Variants in ARAP1 observed in about 807,000 individuals in gnomAD.
The protein encoded by ARAP1 is arf-GAP with Rho-GAP domain, ANK repeat and PH domain-containing protein 1.
Under a neutral mutation model 172.2 loss-of-function variants are expected in ARAP1, and 76 were observed. The observed-to-expected ratio is 0.44, with a 90% CI of 0.37 to 0.53. ARAP1 has a LOEUF of 0.53. Ranked by LOEUF, ARAP1 falls within the 20% of genes least tolerant of loss-of-function variation. The probability of loss-of-function intolerance (pLI) is 0.00; values close to 1 mark genes in which losing one functional copy is unlikely to be tolerated. For missense variants in ARAP1, 1,686 were observed against 1,977.5 expected (o/e 0.85, Z 2.80); for synonymous variants, 804 against 803.3 (o/e 1.00, Z -0.01).
At chr11:72,686,905 C>T (rs1002559972) in intron 33 of ARAP1, among the ~76,000 whole-genome samples, 2 of 152,170 alleles carry the variant, frequency 1.3e-5, no homozygotes, top group Non-Finnish European at 2.9e-5. Flanking sequence ...GTTTCCCTGG[C>T]GTGACCTACA....
At chr11:72,698,820 G>T (rs1274912632) in intron 18 of ARAP1, among the ~76,000 whole-genome samples, 185 bp downstream of exon 18, 2 of 152,166 alleles carry the variant, frequency 1.3e-5, no homozygotes, top group African/African-American at 4.8e-5. Context: ...GGATAGGTCT[G>T]ACCAACTCCG....
At chr11:72,714,090 G>A in intron 4 of ARAP1, 62 bp downstream of exon 4, 2 of 1,383,570 alleles carry the variant, frequency 1.4e-6, no homozygotes, top group Non-Finnish European at 1.9e-6. Context: ...CCTTCCAGAG[G>A]CCTGATTCCA....
At chr11:72,697,301 G>T in intron 21 of ARAP1, 22 bp downstream of exon 21, 3 of 1,574,074 alleles carry the variant, frequency 1.9e-6, no homozygotes, top group Non-Finnish European at 2.6e-6. Context: ...GGCGGGGCTG[G>T]CACCCTAGGG....
chr11:72,696,246 T>A (rs990523305), intron 23 of ARAP1, among the ~76,000 whole-genome samples: 3 of 152,116 alleles, frequency 2.0e-5, no homozygotes, highest in African/African-American at 7.2e-5. Context: ...AGAGTTCCGA[T>A]CCTTTGAGAA....
Position 72,703,078 on chromosome 11 carries a change from G to A in ARAP1, c.1994C>T (p.Ala665Val). ...TGTGGTGGTGACTGCAGCACACAGGGCCTAGGAAGAGGCAGGGGAGGGTCA... is the reference window on the plus strand; with the variant it reads ...TGTGGTGGTGACTGCAGCACACAGGACCTAGGAAGAGGCAGGGGAGGGTCA... ...LFGNQEELDKALCAAVTTTDL... is the reference protein window; with the variant it reads ...LFGNQEELDKVLCAAVTTTDL... Residue 665 changes from alanine to valine, a missense_variant and splice_region_variant, in exon 15 of 35, where the codon GCC (alanine) becomes GTC (valine). Ala to Val is a moderately conservative substitution (Grantham distance 64, BLOSUM62 0). Transcript: ENST00000393609. 1.9e-6 allele frequency: 3 copies of A among 1,562,802 alleles called. No homozygotes were observed. The highest frequency in any genetic ancestry group is 2.6e-6 in the Non-Finnish European group (3 of 1,156,176).
chr11:72,715,147 C>T (rs770323065), intron 3 of ARAP1, among the ~76,000 whole-genome samples: 3 of 152,220 alleles, frequency 2.0e-5, no homozygotes, highest in Non-Finnish European at 4.4e-5. Context: ...GCACCTAGCC[C>T]CTCTGAGCCT....
At chr11:72,713,863 A>C (rs1857154720) in intron 4 of ARAP1, among the ~76,000 whole-genome samples, 2 of 151,614 alleles carry the variant, frequency 1.3e-5, no homozygotes, top group Admixed American at 6.6e-5. Context: ...AAAAAAAAAA[A>C]AGAAAAGCAA....
In ARAP1 at chr11:72,696,563, G is replaced by A. The variant is rs763568900; in HGVS notation, c.3258C>T (p.Ile1086=). The A allele has an allele frequency of 6.3e-7, 1 of 1,583,908 alleles. No homozygotes were observed. Among genetic ancestry groups the A allele is most frequent in the Admixed American group, 1.8e-5 (1 of 55,988 alleles). The part of the protein sequence containing the change: ...PVNRATVKAL[I]SHLYCVQCFS... The stretch of plus-strand genomic sequence containing the variant: ...TCGTCCCTCACCAGTACAGGTGGCT[G>A]ATAAGGGCCTTCACTGTGGCCCGGT... Residue 1086 remains isoleucine, a synonymous_variant, in exon 23 of 35, where the codon ATC becomes ATT. Coordinates refer to ENST00000393609, the MANE Select transcript of ARAP1 (RefSeq NM_001040118.3).
At chr11:72,735,525 C>T (rs1469189589) in intron 1 of ARAP1, among the ~76,000 whole-genome samples, 3 of 152,006 alleles carry the variant, frequency 2.0e-5, no homozygotes, top group Non-Finnish European at 2.9e-5. Context: ...GAACCTGAAA[C>T]GCAGAGGTTG....
At chr11:72,720,628 C>T (rs1214561137) in intron 3 of ARAP1, among the ~76,000 whole-genome samples, 1 of 152,182 alleles carries the variant, frequency 6.6e-6, no homozygotes, top group Non-Finnish European at 1.5e-5. Context: ...ACTCTCCATA[C>T]AGCAGTGCCC....
At chr11:72,703,266 G>A (rs1344189684) in intron 14 of ARAP1, 187 bp from the exon 15 acceptor site, 2 of 653,372 alleles carry the variant, frequency 3.1e-6, no homozygotes, top group Non-Finnish European at 4.9e-6. Flanking sequence ...CCAAGGGGAG[G>A]AGGGGTGAGC....
chr11:72,751,286 T>G (rs567830769), intron 1 of ARAP1, among the ~76,000 whole-genome samples: 2 of 152,298 alleles, frequency 1.3e-5, no homozygotes, highest in South Asian at 4.1e-4. Flanking sequence ...CTGCCATTCC[T>G]CAGACACACC....
In ARAP1 at chr11:72,695,994, G is replaced by T; in HGVS notation, c.3273-129C>A. On this transcript the variant is annotated intron_variant, in intron 23 of 34. Transcript: ENST00000393609. The surrounding 1 kb of genome is among the most constrained non-coding windows in gnomAD (Gnocchi z 4.4). ...ACCACTGTTTAACAGGGTAGGAACA[G>T]TTTTTCTGGCCATATCTTGGGTCCT... 1 of 1,204,802 alleles carries T rather than the reference G, an allele frequency of 8.3e-7. No homozygotes were observed. The highest frequency in any genetic ancestry group is 1.1e-6 in the Non-Finnish European group (1 of 889,526). 74.6% of individuals were successfully genotyped at this position (1,204,802 alleles called of 1,614,324 possible). A position where few individuals can be genotyped will look rare whatever the true frequency, so the allele number is the denominator to read the frequency against.
chr11:72,703,897 T>C (rs1261770790), intron 14 of ARAP1: 1 of 529,616 alleles, frequency 1.9e-6, no homozygotes, highest in African/African-American at 2.0e-5. Flanking sequence ...TGCAGGAGAC[T>C]GAGGAATTGG....
intron 3 of ARAP1, among the ~76,000 whole-genome samples, chr11:72,722,665 C>T (rs769542151): frequency 8.5e-5 from 13 of 152,326 alleles, no homozygotes; most frequent in Non-Finnish European, 1.8e-4. Context: ...GGAGGGAAGC[C>T]TTGGCAGTGT....
intron 13 of ARAP1, chr11:72,705,196 G>A (rs975441712): frequency 1.3e-5 from 2 of 152,334 alleles, no homozygotes; most frequent in Non-Finnish European, 2.9e-5. Context: ...TGGGTACCTG[G>A]GAGTTTCCAG....
At chr11:72,751,440 G>GC (rs771924220) in intron 1 of ARAP1, among the ~76,000 whole-genome samples, 2 of 152,036 alleles carry the variant, frequency 1.3e-5, no homozygotes, top group Non-Finnish European at 2.9e-5. Context: ...TCAAGGCTCT[G>GC]CTGGGCTCCT....
intron 1 of ARAP1, among the ~76,000 whole-genome samples, chr11:72,742,546 G>A (rs972397120): frequency 1.3e-5 from 2 of 152,120 alleles, no homozygotes; most frequent in South Asian, 2.1e-4. Context: ...AGTGATAGAG[G>A]GAGAGGGAGG....
Position 72,726,700 on chromosome 11 carries a change from CG to C in ARAP1, c.428del (p.Pro143ArgfsTer11), listed in dbSNP as rs1194655910. 2.3e-6 allele frequency: 3 copies of C among 1,299,260 alleles called. No homozygotes were observed. Among genetic ancestry groups the C allele is most frequent in the Non-Finnish European group, 3.0e-6 (3 of 993,454 alleles). 80.5% of individuals were successfully genotyped at this position (1,299,260 alleles called of 1,614,324 possible). A position where few individuals can be genotyped will look rare whatever the true frequency, so the allele number is the denominator to read the frequency against. The part of the protein sequence containing the change: ...STAAPDPVLP[P>X]LPAKRHLAEL... ...CTGCCAAATGCCGCTTAGCAGGCAG[CG>C]GGGGCAGCACAGGGTCTGGGGCAGC... On this transcript the variant is annotated frameshift_variant, in exon 3 of 35. Coordinates refer to ENST00000393609, the MANE Select transcript of ARAP1 (RefSeq NM_001040118.3). LOFTEE classifies it high-confidence loss of function. This position sits in a 1 kb window ranked among gnomAD's most constrained non-coding sequence, Gnocchi z 6.5.
Sources: allele counts gnomAD v4.1 joint callset (sites outside exome capture counted in the v4.1 genomes callset), GRCh38; gene constraint gnomAD v4.1.1; non-coding constraint Gnocchi (gnomAD v3.1); transcripts MANE v1.5; gene names NCBI Gene and HGNC (gene_info 2026-07-23, HGNC 2026-07-21).